CACNA1E: variants seen among roughly 807,000 people sequenced by gnomAD.
CACNA1E encodes calcium voltage-gated channel subunit alpha1 E.
A neutral mutation model predicts 259.2 loss-of-function variants in CACNA1E; 40 were observed. The ratio of observed to expected loss-of-function variants is 0.15; its 90% confidence interval spans 0.12 to 0.20. CACNA1E has a LOEUF of 0.20. Ranked by LOEUF, CACNA1E falls within the 10% of genes least tolerant of loss-of-function variation. The pLI, the probability that CACNA1E is intolerant of heterozygous loss-of-function variation, is 1.00. For synonymous variants in CACNA1E, 1,104 were observed against 1,138.5 expected (o/e 0.97, Z 0.61); for missense variants, 1,874 against 3,040.1 (o/e 0.62, Z 9.02).
At chr1:181,627,472 G>A (rs1471323714) in intron 6 of CACNA1E, among the ~76,000 whole-genome samples, 1 of 152,204 alleles carries the variant, frequency 6.6e-6, no homozygotes, top group African/African-American at 2.4e-5. Context: ...GGGGAGATAA[G>A]GCTCGGTAAA....
chr1:181,547,745 G>C (rs1013855474), intron 3 of CACNA1E, among the ~76,000 whole-genome samples: 1 of 152,172 alleles, frequency 6.6e-6, no homozygotes, highest in Non-Finnish European at 1.5e-5. Flanking sequence ...TTGCATTTGC[G>C]ATGCAATTAG....
intron 2 of CACNA1E, among the ~76,000 whole-genome samples, chr1:181,468,262 C>G (rs564835102): frequency 6.2e-4 from 95 of 152,322 alleles, no homozygotes; most frequent in African/African-American, 2.2e-3. Flanking sequence ...ACTGTGTCTG[C>G]CTCCACGCAT....
intron 2 of CACNA1E, among the ~76,000 whole-genome samples, chr1:181,472,845 G>A (rs1662600802): frequency 6.6e-6 from 1 of 152,216 alleles, no homozygotes; most frequent in Admixed American, 6.5e-5. Flanking sequence ...TGGGGAGGGA[G>A]AGTGGCCTGA....
At position 181,784,662 on chromosome 1, in the gene CACNA1E, T is replaced by C. The variant is rs1212913534; in HGVS notation, c.5472T>C (p.Gly1824=). 2 of 1,562,610 alleles carry C rather than the reference T, an allele frequency of 1.3e-6. No homozygotes were observed. Among genetic ancestry groups the C allele is most frequent in the Non-Finnish European group, 1.7e-6 (2 of 1,150,964 alleles). ...RTALDIKIAK[G]GADRQQLDSE... ...TATTAGTAATTTATCTTATTCTAGG[T>C]GGTGCAGACAGGCAGCAGCTAGACT... Residue 1824 remains glycine (G), a splice_region_variant and synonymous_variant, in exon 41 of 48, where the codon GGT becomes GGC. Transcript: ENST00000367573.
chr1:181,502,309 G>A (rs1463843166), intron 1 of CACNA1E, among the ~76,000 whole-genome samples: 4 of 152,176 alleles, frequency 2.6e-5, no homozygotes, highest in Admixed American at 1.3e-4. Flanking sequence ...AAATTTGGAA[G>A]GTTAACATTT....
rs564970456 is a variant in CACNA1E, at chr1:181,325,677, T to C, written c.-15+7554T>C. Among the ~76,000 whole-genome samples, 11 of 150,928 alleles carry C rather than the reference T, an allele frequency of 7.3e-5. No individual in the cohort carries two copies. In the East Asian group the frequency reaches 2.1e-3, roughly 29 times the overall value. ...TATTTATTTATTTTTAAATTTTTAT[T>C]TTTATTTTATTGAATTATTTTTGGT... On this transcript the variant is annotated intron_variant, in intron 1 of 11. Transcript: ENST00000524607.
intron 29 of CACNA1E, among the ~76,000 whole-genome samples, chr1:181,756,476 T>C (rs1558351484): frequency 6.6e-6 from 1 of 152,012 alleles, no homozygotes; most frequent in Admixed American, 6.5e-5. Flanking sequence ...GGATTGAGGG[T>C]TAAGAATGAG....
intron 7 of CACNA1E, among the ~76,000 whole-genome samples, chr1:181,664,198 G>T: frequency 6.6e-6 from 1 of 152,200 alleles, no homozygotes; most frequent in East Asian, 1.9e-4. Context: ...TCCCAGTCCA[G>T]TGCTCTTGTT....
At chr1:181,502,286 T>C (rs556549388) in intron 1 of CACNA1E, among the ~76,000 whole-genome samples, 1 of 152,292 alleles carries the variant, frequency 6.6e-6, no homozygotes, top group African/African-American at 2.4e-5. Context: ...AGGAAGATAG[T>C]CCATATATTG....
At chr1:181,716,167 C>G (rs1653872130) in intron 10 of CACNA1E, 38 bp downstream of exon 10, 1 of 1,299,620 alleles carries the variant, frequency 7.7e-7, no homozygotes, top group Non-Finnish European at 1.1e-6. Context: ...TGCTCTGAAT[C>G]TCCCACGAAA....
intron 3 of CACNA1E, among the ~76,000 whole-genome samples, chr1:181,538,120 C>T (rs1668311153): frequency 1.3e-5 from 2 of 152,176 alleles, no homozygotes; most frequent in African/African-American, 4.8e-5. Flanking sequence ...CTGTGTGTTT[C>T]TGGCCATTTG....
In CACNA1E at chr1:181,806,748, TAAAAG is replaced by T. The variant is rs1362354764; in HGVS notation, c.*7922_*7926del. The T allele has an allele frequency of 1.3e-5, 2 of 152,152 alleles. No homozygotes were observed. Among genetic ancestry groups the T allele is most frequent in the African/African-American group, 4.8e-5 (2 of 41,432 alleles). 9.4% of individuals were successfully genotyped at this position (152,152 alleles called of 1,614,324 possible). ...AAAAACTTTAATGTTTTGGGGGGGATAAAAGAAAAGAATAAATAAAACCTTGTTGT... is the reference window on the plus strand; with the variant it reads ...AAAAACTTTAATGTTTTGGGGGGGATAAAAGAATAAATAAAACCTTGTTGT... On this transcript the variant is annotated 3_prime_UTR_variant, in exon 48 of 48. Transcript: ENST00000367573.
At chr1:181,765,931 T>C (rs550717466) in intron 34 of CACNA1E, among the ~76,000 whole-genome samples, 1 of 152,354 alleles carries the variant, frequency 6.6e-6, no homozygotes, top group Admixed American at 6.5e-5. Context: ...TTGTGCCACA[T>C]GGCTTCATGG....
At chr1:181,327,867 G>C (rs1017830196) in intron 1 of CACNA1E, among the ~76,000 whole-genome samples, 4 of 152,220 alleles carry the variant, frequency 2.6e-5, no homozygotes, top group African/African-American at 9.7e-5. Context: ...TCTGTGGGTT[G>C]GCTGGTGGTT....
At chr1:181,540,705 G>A (rs1337149441) in intron 3 of CACNA1E, among the ~76,000 whole-genome samples, 6 of 152,116 alleles carry the variant, frequency 3.9e-5, no homozygotes, top group South Asian at 2.1e-4. Flanking sequence ...AATGGACCTC[G>A]CAAAGTCTCC....
chr1:181,590,099 G>T (rs1652480043), intron 6 of CACNA1E, among the ~76,000 whole-genome samples: 1 of 152,120 alleles, frequency 6.6e-6, no homozygotes, highest in African/African-American at 2.4e-5. Flanking sequence ...CTATGTTGCA[G>T]TTAGATGTCA....
chr1:181,540,218 G>C (rs574169415), intron 3 of CACNA1E, among the ~76,000 whole-genome samples: 1 of 152,238 alleles, frequency 6.6e-6, no homozygotes, highest in African/African-American at 2.4e-5. Context: ...ATAAACATCA[G>C]AGGGCTTCGA....
intron 7 of CACNA1E, among the ~76,000 whole-genome samples, chr1:181,703,361 A>C (rs1558284480): frequency 6.6e-6 from 1 of 152,216 alleles, no homozygotes; most frequent in Non-Finnish European, 1.5e-5. Context: ...GAATGAGGAA[A>C]CTAAGATTTA....
rs1163997823 is a variant in CACNA1E, at chr1:181,719,879, T to C, written c.1751+16T>C. On this transcript the variant is annotated intron_variant, in intron 13 of 47. Transcript: ENST00000367573. ...AAATAACCAAGTAAGTGATCAGAATTTGGACTTTTCCCAATGTCTTTGAGA... is the reference window on the plus strand; with the variant it reads ...AAATAACCAAGTAAGTGATCAGAATCTGGACTTTTCCCAATGTCTTTGAGA... 7.0e-7 allele frequency: 1 copy of C among 1,428,848 alleles called. No individual in the cohort carries two copies. The highest frequency in any genetic ancestry group is 9.7e-7 in the Non-Finnish European group (1 of 1,033,414). The allele number at this position is 1,428,848 out of a possible 1,614,324, so 88.5% of individuals were successfully genotyped here.
Sources: allele counts gnomAD v4.1 joint callset (sites outside exome capture counted in the v4.1 genomes callset), GRCh38; gene constraint gnomAD v4.1.1; transcripts MANE v1.5; gene names NCBI Gene and HGNC (gene_info 2026-07-23, HGNC 2026-07-21).